Variants in CCDC198 observed in about 807,000 individuals in gnomAD.
CCDC198 encodes coiled-coil domain containing 198, also known as factor associated with metabolism and energy.
A neutral mutation model predicts 35.6 loss-of-function variants in CCDC198; 18 were observed. The ratio of observed to expected loss-of-function variants is 0.51; its 90% CI spans 0.35 to 0.75. CCDC198 has a LOEUF of 0.75. Ranked by LOEUF, CCDC198 falls within the 30% of genes least tolerant of loss-of-function variation. CCDC198 has a pLI of 0.01. For missense variants in CCDC198, 365 were observed against 343.7 expected, an observed-to-expected ratio of 1.06 and a Z score of -0.49; for synonymous variants, 119 against 113.4, an observed-to-expected ratio of 1.05 and a Z score of -0.31.
At chr14:57,491,140 T>C in intron 1 of CCDC198, 69 bp from the exon 2 acceptor site, 1 of 1,482,866 alleles carries the variant, frequency 6.7e-7, no homozygotes. Context: ...AGGCAATCAT[T>C]AGTTACTAGA....
At chr14:57,488,067 T>A (rs997909278) in intron 2 of CCDC198, among the ~76,000 whole-genome samples, 6 of 152,164 alleles carry the variant, frequency 3.9e-5, no homozygotes, top group African/African-American at 1.4e-4. Context: ...TCCTTTCTCC[T>A]AGGAATCTGG....
At chr14:57,483,703 A>G (rs1351919044) in intron 2 of CCDC198, among the ~76,000 whole-genome samples, 1 of 152,198 alleles carries the variant, frequency 6.6e-6, no homozygotes, top group African/African-American at 2.4e-5. Flanking sequence ...AGGGGAGATC[A>G]TGTTGGCATT....
chr14:57,489,015 G>A (rs191990259), intron 2 of CCDC198, among the ~76,000 whole-genome samples: 37 of 152,122 alleles, frequency 2.4e-4, no homozygotes, highest in African/African-American at 8.4e-4. Context: ...CAGCAATCCC[G>A]TTACTGGGTA....
intron 5 of CCDC198, among the ~76,000 whole-genome samples, chr14:57,472,850 A>G (rs1016122532): frequency 6.6e-6 from 1 of 152,190 alleles, no homozygotes; most frequent in Non-Finnish European, 1.5e-5. Context: ...CTTCCCAACC[A>G]CTTTGGAGCT....
Position 57,469,317 on chromosome 14 carries a change from C to T in CCDC198, c.*2038G>A, listed in dbSNP as rs551917332. On this transcript the variant is annotated 3_prime_UTR_variant, in exon 6 of 6. Transcript: ENST00000216445. ...TCAACACATTCATTAATTCAGCAAA[C>T]ATTTAATGATAAACTCTTTGCCAGC... 55 of 152,330 alleles carry T rather than the reference C, an allele frequency of 3.6e-4. No homozygotes were observed. The highest frequency in any genetic ancestry group is 1.2e-3 in the African/African-American group (51 of 41,572). 9.4% of individuals were successfully genotyped at this position (152,330 alleles called of 1,614,324 possible).
rs541724656 is a variant in CCDC198 at position 57,479,860 on chromosome 14, T to C, written c.655+735A>G. Among the ~76,000 whole-genome samples, 529 of 152,280 alleles carry C rather than the reference T, an allele frequency of 3.5e-3. 5 individuals are homozygous for C. Among genetic ancestry groups the C allele is most frequent in the African/African-American group, 0.012 (504 of 41,548 alleles). Reference sequence around the variant, plus strand: ...GTCTGGTGACCACATGGAGAACCACTGAAGTGAATCATTGATGGATGGACA... The same window carrying C: ...GTCTGGTGACCACATGGAGAACCACCGAAGTGAATCATTGATGGATGGACA... On this transcript the variant is annotated intron_variant, in intron 5 of 5. Coordinates refer to ENST00000216445, the MANE Select transcript of CCDC198 (RefSeq NM_018168.4).
intron 5 of CCDC198, among the ~76,000 whole-genome samples, chr14:57,476,719 G>C (rs768112161): frequency 6.6e-6 from 1 of 152,168 alleles, no homozygotes; most frequent in Non-Finnish European, 1.5e-5. Context: ...GAACAAGAAT[G>C]GGCCAGTATG....
At chr14:57,489,255 C>G (rs1000594398) in intron 2 of CCDC198, among the ~76,000 whole-genome samples, 3 of 152,140 alleles carry the variant, frequency 2.0e-5, no homozygotes, top group African/African-American at 7.2e-5. Context: ...CCATTATCCT[C>G]AGCAAAACTA....
At position 57,478,433 on chromosome 14, in the gene CCDC198, T is replaced by C. The variant is rs1484654429; in HGVS notation, c.655+2162A>G. ...AATGCATATTAAAGGCAAACCACAG[T>C]ACCTGGCTTATAGTAAGCACTCAAC... On this transcript the variant is annotated intron_variant, in intron 5 of 5. Transcript: ENST00000216445. 4.1e-6 allele frequency: 4 copies of C among 982,376 alleles called. No individual in the cohort carries two copies. In the East Asian group the frequency reaches 4.5e-4, roughly 112 times the overall value. The allele number at this position is 982,376 out of a possible 1,614,324, so 60.9% of individuals were successfully genotyped here. A position where few individuals can be genotyped will look rare whatever the true frequency, so the allele number is the denominator to read the frequency against.
chr14:57,481,722 G>T, intron 3 of CCDC198, 62 bp from the exon 4 acceptor site: 2 of 1,035,430 alleles, frequency 1.9e-6, no homozygotes, highest in South Asian at 1.3e-5. Flanking sequence ...CAATTCACAA[G>T]TTTAGATCCT....
intron 2 of CCDC198, among the ~76,000 whole-genome samples, chr14:57,490,123 C>T (rs2067510950): frequency 6.6e-6 from 1 of 152,012 alleles, no homozygotes; most frequent in African/African-American, 2.4e-5. Context: ...AAATGAGCTC[C>T]AGTACCCCTG....
At chr14:57,485,699 G>T (rs1275247659) in intron 2 of CCDC198, among the ~76,000 whole-genome samples, 1 of 152,160 alleles carries the variant, frequency 6.6e-6, no homozygotes, top group Non-Finnish European at 1.5e-5. Flanking sequence ...AGTCCTTTCT[G>T]CTGGAGCAGC....
intron 2 of CCDC198, among the ~76,000 whole-genome samples, chr14:57,490,438 T>C (rs1388531580): frequency 6.6e-6 from 1 of 152,180 alleles, no homozygotes; most frequent in African/African-American, 2.4e-5. Context: ...AGGTTAAAGA[T>C]AGAAGGACTA....
chr14:57,479,114 A>G (rs1373211790), intron 5 of CCDC198: 1 of 1,036,212 alleles, frequency 9.7e-7, no homozygotes, highest in Non-Finnish European at 1.3e-6. Flanking sequence ...TGTCCATTAG[A>G]AAGCATAGAG....
At chr14:57,490,361 C>T (rs1034371361) in intron 2 of CCDC198, among the ~76,000 whole-genome samples, 1 of 152,124 alleles carries the variant, frequency 6.6e-6, no homozygotes, top group African/African-American at 2.4e-5. Flanking sequence ...GTTTAAAGCT[C>T]TTGCTTTGCT....
At position 57,481,565 on chromosome 14, in the gene CCDC198, T is replaced by C. The variant is rs757776365; in HGVS notation, c.489A>G (p.Arg163=). 1 of 1,608,134 alleles carries C rather than the reference T, an allele frequency of 6.2e-7. No homozygotes were observed. The change falls in exon 4 of 6, where the codon AGA becomes AGG. Residue 163 remains arginine, a synonymous_variant. Coordinates refer to ENST00000216445, the MANE Select transcript of CCDC198 (RefSeq NM_018168.4). ...ACACTCTTCTCGTATTTACCTCTTG[T>C]CTTTTACGGATCATTTCCAGCACTT... ...KMQVLEMIRK[R]QEAQMELKKS... is the part of the protein sequence containing the mutation.
chr14:57,481,975 T>C (rs2067203027), intron 3 of CCDC198, among the ~76,000 whole-genome samples: 1 of 152,204 alleles, frequency 6.6e-6, no homozygotes, highest in Admixed American at 6.5e-5. Flanking sequence ...AGATGCTTAT[T>C]ACCACCTCTC....
intron 5 of CCDC198, chr14:57,478,621 G>C (rs1484934888): frequency 6.6e-5 from 65 of 989,030 alleles, no homozygotes; most frequent in Non-Finnish European, 7.2e-5. Flanking sequence ...CTCAAGTGAT[G>C]ACTCTTAAAT....
At chr14:57,481,024 GC>G (rs1339216698) in intron 4 of CCDC198, among the ~76,000 whole-genome samples, 1 of 152,242 alleles carries the variant, frequency 6.6e-6, no homozygotes, top group Non-Finnish European at 1.5e-5. Flanking sequence ...CTGTCAGCTA[GC>G]TGATATGATT....
Sources: allele counts gnomAD v4.1 joint callset (sites outside exome capture counted in the v4.1 genomes callset), GRCh38; gene constraint gnomAD v4.1.1; transcripts MANE v1.5; gene names NCBI Gene and HGNC (gene_info 2026-07-23, HGNC 2026-07-21).